TFEC: variants seen among roughly 807,000 people sequenced by gnomAD.
The protein encoded by TFEC is transcription factor EC, also known as class E basic helix-loop-helix protein 34.
Under a neutral mutation model 41.6 loss-of-function variants are expected in TFEC, and 31 were observed. That is an observed-to-expected ratio of 0.74 (90% CI 0.56 to 1.01). The LOEUF (loss-of-function observed/expected upper bound fraction) is 1.01, where lower values mean the gene tolerates loss of function less well. Among genes scored for constraint, TFEC ranks in the 50% least tolerant of loss-of-function variants. The pLI, the probability that TFEC is intolerant of heterozygous loss-of-function variation, is 0.00. For missense variants in TFEC, 402 were observed against 404.1 expected, an observed-to-expected ratio of 0.99 and a Z score of 0.04; for synonymous variants, 143 against 140.6, an observed-to-expected ratio of 1.02 and a Z score of -0.12.
rs1002222640 is a variant in TFEC at position 115,939,017 on chromosome 7, A to G, written c.*1534T>C. The G allele has an allele frequency of 1.3e-5, 2 of 151,910 alleles. No homozygotes were observed. The highest frequency in any genetic ancestry group is 2.1e-4 in the South Asian group (1 of 4,818). The allele number at this position is 151,910 out of a possible 1,614,324, so 9.4% of individuals were successfully genotyped here. On this transcript the variant is annotated 3_prime_UTR_variant, in exon 8 of 8. Coordinates refer to ENST00000265440, the MANE Select transcript of TFEC (RefSeq NM_012252.4). The stretch of plus-strand genomic sequence containing the variant: ...CTTTATATGCCCTCACTTTCACTCA[A>G]TTAATGCCTTTCAAAGAGAAGTCAA...
At chr7:116,100,991 T>C (rs949075761) in intron 3 of TFEC, among the ~76,000 whole-genome samples, 8 of 152,150 alleles carry the variant, frequency 5.3e-5, no homozygotes, top group African/African-American at 1.9e-4. Flanking sequence ...ACCAGGATTT[T>C]CCAGCTATTA....
chr7:116,101,682 C>T (rs2115969463), intron 3 of TFEC, among the ~76,000 whole-genome samples: 1 of 149,532 alleles, frequency 6.7e-6, no homozygotes. Flanking sequence ...CAGAAAAGAC[C>T]TTGGGGGGAG....
chr7:116,103,619 A>G (rs955044746), intron 3 of TFEC, among the ~76,000 whole-genome samples: 2 of 152,256 alleles, frequency 1.3e-5, no homozygotes, highest in South Asian at 4.1e-4. Flanking sequence ...GTTTTTGTCA[A>G]TTATCTATAT....
chr7:115,961,473 T>C (rs17138203), intron 3 of TFEC, among the ~76,000 whole-genome samples: 5,520 of 151,628 alleles, frequency 0.036, 324 homozygotes, highest in African/African-American at 0.12. Flanking sequence ...TTTTGAATTA[T>C]ATAAATTAAC....
intron 1 of TFEC, among the ~76,000 whole-genome samples, chr7:116,150,974 T>C (rs1798748636): frequency 1.3e-5 from 2 of 152,248 alleles, no homozygotes; most frequent in South Asian, 4.1e-4. Context: ...GGATTTGGAG[T>C]TCTAAAATTA....
chr7:115,995,045 T>C lies in TFEC; in HGVS notation c.-72-10532A>G, dbSNP rs369482809. On this transcript the variant is annotated intron_variant, in intron 1 of 7. Coordinates refer to ENST00000265440, the MANE Select transcript of TFEC (RefSeq NM_012252.4). ...AAAAAGGATGAGTTCATGTCCTTTG[T>C]AGGGACATGGATGAAGCTGGAAACC... Among the ~76,000 whole-genome samples, 66 of 152,124 alleles carry C rather than the reference T, an allele frequency of 4.3e-4. 2 individuals carry two copies. The South Asian group carries it at 0.013, about 30-fold the overall frequency.
At chr7:115,952,001 AAGAAGAAGGAAAATATATT>A (rs1483648796) in intron 5 of TFEC, among the ~76,000 whole-genome samples, 1 of 152,114 alleles carries the variant, frequency 6.6e-6, no homozygotes, top group Non-Finnish European at 1.5e-5. Flanking sequence ...AAAGGATATG[AAGAAGAAGGAAAATATATT>A]TTTTTAAATG....
chr7:115,964,244 C>T (rs1401745827), intron 3 of TFEC, among the ~76,000 whole-genome samples: 1 of 151,468 alleles, frequency 6.6e-6, no homozygotes, highest in Admixed American at 6.6e-5. Flanking sequence ...ACTGAAGAAT[C>T]AAAAGGTACT....
chr7:116,042,235 A>G (rs1422268534), intron 3 of TFEC, among the ~76,000 whole-genome samples: 1 of 152,190 alleles, frequency 6.6e-6, no homozygotes, highest in African/African-American at 2.4e-5. Context: ...TCTAGAATAG[A>G]GCCATGGAAG....
rs535690009 is a variant in TFEC, at chr7:115,944,643, T to C, written c.516-2603A>G. 9.9e-5 allele frequency among the ~76,000 whole-genome samples: 15 copies of C among 151,738 alleles called. 2 individuals are homozygous for C. In the South Asian group the frequency reaches 1.9e-3, roughly 20 times the overall value. ...CCAACTCCAAAATATATTCCAATCATGAGCTGGAAAGGTACTCAAAGGCCA... is the reference window on the plus strand; with the variant it reads ...CCAACTCCAAAATATATTCCAATCACGAGCTGGAAAGGTACTCAAAGGCCA... On this transcript the variant is annotated intron_variant, in intron 6 of 7. Transcript: ENST00000265440.
chr7:116,014,441 G>A (rs1795115733), intron 1 of TFEC, among the ~76,000 whole-genome samples: 1 of 151,266 alleles, frequency 6.6e-6, no homozygotes, highest in South Asian at 2.1e-4. Flanking sequence ...CATAGAGGAG[G>A]ACCCAAAATT....
chr7:115,940,326 AC>A lies in TFEC; in HGVS notation c.*224del. ...GAAAACAGAATTTAAGTGGATTTGG[AC>A]TCCGTAGTCAAAGAAGAAAACACCT... On this transcript the variant is annotated 3_prime_UTR_variant, in exon 8 of 8. Transcript: ENST00000265440. 3 of 444,588 alleles carry A rather than the reference AC, an allele frequency of 6.7e-6. No individual in the cohort carries two copies. The East Asian group carries it at 1.1e-4, about 17-fold the overall frequency. 27.5% of individuals were successfully genotyped at this position (444,588 alleles called of 1,614,324 possible).
At chr7:116,142,216 T>C (rs915566637) in intron 1 of TFEC, among the ~76,000 whole-genome samples, 2 of 152,146 alleles carry the variant, frequency 1.3e-5, no homozygotes, top group Admixed American at 6.5e-5. Context: ...TCCATTTTCT[T>C]CACAACTCCC....
At chr7:116,102,422 A>G (rs1448160373) in intron 3 of TFEC, among the ~76,000 whole-genome samples, 1 of 152,198 alleles carries the variant, frequency 6.6e-6, no homozygotes, top group African/African-American at 2.4e-5. Context: ...TGTGGTAGAG[A>G]AAGATTGGAT....
At chr7:116,005,882 TGTC>T (rs1185532200) in intron 1 of TFEC, among the ~76,000 whole-genome samples, 1 of 152,160 alleles carries the variant, frequency 6.6e-6, no homozygotes, top group Non-Finnish European at 1.5e-5. Flanking sequence ...AGAAATTTGG[TGTC>T]CTGTGTCCCA....
chr7:116,107,311 C>A (rs542318359), intron 3 of TFEC, among the ~76,000 whole-genome samples: 9 of 152,290 alleles, frequency 5.9e-5, no homozygotes, highest in Non-Finnish European at 1.2e-4. Context: ...AAAGCGAACA[C>A]CTGACTTCTA....
chr7:116,076,223 G>C (rs1796957261), intron 3 of TFEC, among the ~76,000 whole-genome samples: 1 of 152,148 alleles, frequency 6.6e-6, no homozygotes, highest in Non-Finnish European at 1.5e-5. Flanking sequence ...AGGGGAAGCA[G>C]GAGAACACCA....
intron 3 of TFEC, among the ~76,000 whole-genome samples, chr7:116,094,918 C>T (rs76475089): frequency 0.059 from 8,993 of 152,150 alleles, 335 homozygotes; most frequent in Non-Finnish European, 0.091. Flanking sequence ...AAGTCTCATT[C>T]GATGTTAATT....
intron 3 of TFEC, among the ~76,000 whole-genome samples, chr7:116,101,713 T>A (rs1464706719): frequency 6.6e-6 from 1 of 151,978 alleles, no homozygotes; most frequent in Admixed American, 6.6e-5. Context: ...GGGGCAACAA[T>A]GAATGTATTG....
Sources: allele counts gnomAD v4.1 joint callset (sites outside exome capture counted in the v4.1 genomes callset), GRCh38; gene constraint gnomAD v4.1.1; transcripts MANE v1.5; gene names NCBI Gene and HGNC (gene_info 2026-07-23, HGNC 2026-07-21).